Variants in AP3D1 observed in about 807,000 individuals in gnomAD.
The protein encoded by AP3D1 is adaptor related protein complex 3 subunit delta 1, also known as AP-3 complex subunit delta-1.
Under a neutral mutation model 147.6 loss-of-function variants are expected in AP3D1, and 51 were observed. The observed-to-expected ratio is 0.35, with a 90% confidence interval of 0.28 to 0.44. The LOEUF is 0.44. AP3D1 is among the 20% of genes least tolerant of loss of function. The probability of loss-of-function intolerance (pLI) is 1.00; values close to 1 mark genes in which losing one functional copy is unlikely to be tolerated. For synonymous variants in AP3D1, 760 were observed against 663.0 expected (o/e 1.15, Z -2.25); for missense variants, 1,421 against 1,624.2 (o/e 0.87, Z 2.15).
rs149605417 is a variant in AP3D1 at position 2,115,751 on chromosome 19, G to A, written c.2074-138C>T. The A allele has an allele frequency of 3.0e-4, 268 of 889,700 alleles. 3 individuals are homozygous for A. In the East Asian group the frequency reaches 6.2e-3, roughly 21 times the overall value. The allele number at this position is 889,700 out of a possible 1,614,324, so 55.1% of individuals were successfully genotyped here. ...GTCCTGCCAGAGCCCTGGGCCGCGA[G>A]GAGCGCCGTGAGCGAGCGCATCCCG... On this transcript the variant is annotated intron_variant, in intron 18 of 31. Coordinates refer to ENST00000643116, the MANE Select transcript of AP3D1 (RefSeq NM_001261826.3).
intron 17 of AP3D1, 77 bp from the exon 18 acceptor site, chr19:2,116,355 C>G: frequency 6.8e-7 from 1 of 1,477,132 alleles, no homozygotes; most frequent in Non-Finnish European, 9.2e-7. Flanking sequence ...ACCAGCCACC[C>G]AGCTGGGGAA....
upstream of AP3D1, among the ~76,000 whole-genome samples, chr19:2,155,938 A>G (rs572969994): frequency 2.5e-4 from 38 of 151,676 alleles, no homozygotes; most frequent in Middle Eastern, 0.01. Flanking sequence ...CTGTAGTCCC[A>G]GCTACTCGGG....
chr19:2,109,278 A>G, intron 29 of AP3D1, 71 bp from the exon 30 acceptor site: 2 of 1,501,316 alleles, frequency 1.3e-6, no homozygotes, highest in Non-Finnish European at 1.8e-6. Flanking sequence ...AGAGGCCAAC[A>G]AAACCTGCCA....
intron 4 of AP3D1, among the ~76,000 whole-genome samples, chr19:2,134,771 T>C (rs1200909354): frequency 6.6e-6 from 1 of 151,322 alleles, no homozygotes; most frequent in African/African-American, 2.4e-5. Context: ...CCGGCTAATT[T>C]TGTATTTTTA....
intron 1 of AP3D1, among the ~76,000 whole-genome samples, chr19:2,142,255 C>T (rs556994695): frequency 2.4e-4 from 37 of 152,090 alleles, no homozygotes; most frequent in African/African-American, 8.7e-4. Context: ...TCAAGTAATT[C>T]GCCAGCCTCA....
chr19:2,109,813 G>C lies in AP3D1; in HGVS notation c.3350+60C>G, dbSNP rs79162849. 0.15 allele frequency: 228,340 copies of C among 1,516,822 alleles called. 18,469 individuals carry two copies. Among genetic ancestry groups the C allele is most frequent in the Non-Finnish European group, 0.17 (181,680 of 1,094,540 alleles). 94.0% of individuals were successfully genotyped at this position (1,516,822 alleles called of 1,614,324 possible). A position where few individuals can be genotyped will look rare whatever the true frequency, so the allele number is the denominator to read the frequency against. On this transcript the variant is annotated intron_variant, in intron 29 of 31. Coordinates refer to ENST00000643116, the MANE Select transcript of AP3D1 (RefSeq NM_001261826.3). ...CTCAGTCCCCGGGGCACAGGTGTCTGCAAGGTAGAGGGGAGGCGGAGGGGG... is the reference window on the plus strand; with the variant it reads ...CTCAGTCCCCGGGGCACAGGTGTCTCCAAGGTAGAGGGGAGGCGGAGGGGG...
chr19:2,144,905 AAAAC>A (rs377521482), intron 1 of AP3D1, among the ~76,000 whole-genome samples: 2,750 of 152,244 alleles, frequency 0.018, 32 homozygotes, highest in Middle Eastern at 0.041. Flanking sequence ...TATGTCTCCA[AAAAC>A]AAACAAACAA....
rs746817175 is a variant in AP3D1 at position 2,136,968 on chromosome 19, G to A, written c.354+43C>T. ...GGAACCAGACGCTCCGGCAAGGGCA[G>A]ACTGCACTCAGCACAGAGCGGCCCC... On this transcript the variant is annotated intron_variant, in intron 4 of 31. Coordinates refer to ENST00000643116, the MANE Select transcript of AP3D1 (RefSeq NM_001261826.3). The A allele has an allele frequency of 5.2e-6, 8 of 1,526,978 alleles. No individual in the cohort carries two copies. In the African/African-American group the frequency reaches 9.7e-5, roughly 18 times the overall value. The allele number at this position is 1,526,978 out of a possible 1,614,324, so 94.6% of individuals were successfully genotyped here.
At chr19:2,125,049 T>C (rs1487937202) in intron 9 of AP3D1, among the ~76,000 whole-genome samples, 1 of 152,154 alleles carries the variant, frequency 6.6e-6, no homozygotes, top group East Asian at 1.9e-4. Context: ...ACTGCCTGGG[T>C]GTTGGTGCAC....
At position 2,101,079 on chromosome 19, in the gene AP3D1, G is replaced by A. The variant is rs771315013; in HGVS notation, c.*1094C>T. On this transcript the variant is annotated 3_prime_UTR_variant, in exon 32 of 32. Coordinates refer to ENST00000643116, the MANE Select transcript of AP3D1 (RefSeq NM_001261826.3). ...GTCTCTCTCTTTATACGGGAATGTCGATAGCAAATAAATTCTTATGTAACA... is the reference window on the plus strand; with the variant it reads ...GTCTCTCTCTTTATACGGGAATGTCAATAGCAAATAAATTCTTATGTAACA... 13 of 152,536 alleles carry A rather than the reference G, an allele frequency of 8.5e-5. No homozygotes were observed. The highest frequency in any genetic ancestry group is 1.9e-4 in the East Asian group (1 of 5,200). The allele number at this position is 152,536 out of a possible 1,614,324, so 9.4% of individuals were successfully genotyped here. A position where few individuals can be genotyped will look rare whatever the true frequency, so the allele number is the denominator to read the frequency against.
intron 27 of AP3D1, 80 bp downstream of exon 27, chr19:2,110,627 A>C: frequency 7.1e-7 from 1 of 1,403,334 alleles, no homozygotes; most frequent in Non-Finnish European, 9.6e-7. Context: ...AGCAACAAGA[A>C]CCAGCGGATC....
Position 2,131,686 on chromosome 19 carries a change from G to A in AP3D1, c.462+785C>T, listed in dbSNP as rs1314779103. Among the ~76,000 whole-genome samples, 3 of 68,782 alleles carry A rather than the reference G, an allele frequency of 4.4e-5. No individual in the cohort carries two copies. The Admixed American group carries it at 4.4e-4, about 10-fold the overall frequency. The allele number at this position is 68,782 out of a possible 152,430, so 45.1% of individuals were successfully genotyped here. A position where few individuals can be genotyped will look rare whatever the true frequency, so the allele number is the denominator to read the frequency against. ...CAGCCACGCGGGGACTGCGCCCATC[G>A]GCCACGATCTAGACACCTCCGGGCG... On this transcript the variant is annotated intron_variant, in intron 5 of 31. Transcript: ENST00000643116.
chr19:2,151,757 C>T (rs996126540), upstream of AP3D1, among the ~76,000 whole-genome samples: 1 of 152,272 alleles, frequency 6.6e-6, no homozygotes, highest in African/African-American at 2.4e-5. Context: ...CCAAAACTTG[C>T]GCTCTCATTG....
At chr19:2,143,953 G>A (rs926549883) in intron 1 of AP3D1, among the ~76,000 whole-genome samples, 1 of 152,002 alleles carries the variant, frequency 6.6e-6, no homozygotes, top group Non-Finnish European at 1.5e-5. Flanking sequence ...CGGGGTGGTG[G>A]CTCGCACCTG....
At position 2,120,114 on chromosome 19, in the gene AP3D1, G is replaced by A. The variant is rs1476983558; in HGVS notation, c.1481+748C>T. Among the ~76,000 whole-genome samples, 5 of 152,218 alleles carry A rather than the reference G, an allele frequency of 3.3e-5. No homozygotes were observed. The South Asian group carries it at 6.2e-4, about 19-fold the overall frequency. ...CGTGATGAGCAGCAGGTAGCGGCCA[G>A]TGGTGGTGATGGGGCCGGGCCCGAG... On this transcript the variant is annotated intron_variant, in intron 14 of 31. Transcript: ENST00000643116.
chr19:2,125,725 G>C (rs534311326), intron 9 of AP3D1, among the ~76,000 whole-genome samples: 3 of 152,002 alleles, frequency 2.0e-5, no homozygotes, highest in South Asian at 4.2e-4. Context: ...AATGTAGGCC[G>C]GGCGCGGTGT....
intron 21 of AP3D1, 104 bp from the exon 22 acceptor site, chr19:2,114,406 T>A: frequency 1.0e-6 from 1 of 964,640 alleles, no homozygotes; most frequent in Non-Finnish European, 1.6e-6. Context: ...GACCTGCTCC[T>A]CCAGCCCCTG....
chr19:2,146,000 T>C (rs1360068489), intron 1 of AP3D1, among the ~76,000 whole-genome samples: 1 of 152,198 alleles, frequency 6.6e-6, no homozygotes, highest in Non-Finnish European at 1.5e-5. Flanking sequence ...GCTTTCATGC[T>C]TGCTGCTGGG....
intron 14 of AP3D1, among the ~76,000 whole-genome samples, chr19:2,119,387 T>C (rs1984371307): frequency 6.6e-6 from 1 of 152,048 alleles, no homozygotes; most frequent in South Asian, 2.1e-4. Flanking sequence ...TGAAACCCCA[T>C]CTCTACTAAA....
Sources: gnomAD v4.1 joint callset for allele counts (sites outside exome capture counted in the v4.1 genomes callset) on GRCh38, gnomAD v4.1.1 for gene constraint, MANE v1.5 for transcripts, NCBI Gene and HGNC (gene_info 2026-07-23, HGNC 2026-07-21) for gene names.